GDA: variants seen among roughly 807,000 people sequenced by gnomAD.
The protein encoded by GDA is guanine deaminase, also known as cytoplasmic PSD-95 interactor.
GDA carries 18 observed loss-of-function variants against 59.6 expected under a neutral mutation model. That is an observed-to-expected ratio of 0.30 (90% CI 0.21 to 0.45). GDA has a LOEUF of 0.45. Among genes scored for constraint, GDA ranks in the 20% least tolerant of loss-of-function variants. GDA has a pLI of 1.00. For missense variants in GDA, 427 were observed against 552.3 expected (o/e 0.77, Z 2.27); for synonymous variants, 201 against 201.1 (o/e 1.00, Z 0.00).
intron 1 of GDA, among the ~76,000 whole-genome samples, chr9:72,115,494 G>A (rs1337044091): frequency 6.6e-6 from 1 of 152,162 alleles, no homozygotes; most frequent in East Asian, 1.9e-4. Flanking sequence ...AAAAACTTGG[G>A]CTAGGTGTGA....
At chr9:72,218,388 T>C (rs1295280849) in intron 5 of GDA, among the ~76,000 whole-genome samples, 1 of 152,238 alleles carries the variant, frequency 6.6e-6, no homozygotes, top group Non-Finnish European at 1.5e-5. Flanking sequence ...GCAGAGGGGC[T>C]GCTTACATGC....
chr9:72,117,552 T>C (rs779299492), intron 1 of GDA, among the ~76,000 whole-genome samples: 19 of 152,200 alleles, frequency 1.2e-4, no homozygotes, highest in Non-Finnish European at 2.2e-4. Context: ...GTAGTCATGG[T>C]TCTAGATATC....
chr9:72,250,327 C>T lies in GDA; in HGVS notation c.*1985C>T. 2 of 1,032,086 alleles carry T rather than the reference C, an allele frequency of 1.9e-6. No individual in the cohort carries two copies. Among genetic ancestry groups the T allele is most frequent in the Non-Finnish European group, 2.3e-6 (2 of 859,962 alleles). 63.9% of individuals were successfully genotyped at this position (1,032,086 alleles called of 1,614,324 possible). A position where few individuals can be genotyped will look rare whatever the true frequency, so the allele number is the denominator to read the frequency against. On this transcript the variant is annotated 3_prime_UTR_variant, in exon 14 of 14. Transcript: ENST00000358399. ...TAAGGGTGTACATTTTGATGTTGAA[C>T]ATCAGTTTTCATGTAGACTTAGGAC...
At chr9:72,178,563 A>G (rs1056535671) in intron 1 of GDA, among the ~76,000 whole-genome samples, 4 of 152,040 alleles carry the variant, frequency 2.6e-5, no homozygotes, top group African/African-American at 7.2e-5. Context: ...GATTACAGGC[A>G]TGTATCACCA....
At chr9:72,170,856 C>T (rs1342113145) in intron 1 of GDA, among the ~76,000 whole-genome samples, 2 of 152,118 alleles carry the variant, frequency 1.3e-5, no homozygotes, top group African/African-American at 2.4e-5. Context: ...CGCTCTGTCA[C>T]CTTGGCTGTA....
chr9:72,149,615 A>G lies in GDA; in HGVS notation c.56A>G (p.His19Arg), dbSNP rs1826892179. 1 of 1,611,332 alleles carries G rather than the reference A, an allele frequency of 6.2e-7. No homozygotes were observed. The highest frequency in any genetic ancestry group is 1.7e-5 in the Admixed American group (1 of 59,882). The change falls in exon 1 of 14, where the codon CAC becomes CGC. Residue 19 changes from histidine to arginine, a missense_variant. Transcript: ENST00000358399. ...CACATCTTCCGAGGGACGTTCGTCCACTCCACCTGGACCTGCCCCATGGAG... is the reference window on the plus strand; with the variant it reads ...CACATCTTCCGAGGGACGTTCGTCCGCTCCACCTGGACCTGCCCCATGGAG... ...LAHIFRGTFV[H>R]STWTCPMEVL... is the part of the protein sequence containing the mutation.
At chr9:72,194,763 C>T (rs920323515) in intron 1 of GDA, among the ~76,000 whole-genome samples, 2 of 152,184 alleles carry the variant, frequency 1.3e-5, no homozygotes, top group African/African-American at 4.8e-5. Context: ...GGCACTTTAG[C>T]CCACTGTAGT....
chr9:72,217,567 A>C lies in GDA; in HGVS notation c.579-1912A>C, dbSNP rs113575124. ...ATGTCAATATTATTTTTGTGTAACAAATTATATTTAAAGCCTGCAGGAACT... is the reference window on the plus strand; with the variant it reads ...ATGTCAATATTATTTTTGTGTAACACATTATATTTAAAGCCTGCAGGAACT... On this transcript the variant is annotated intron_variant, in intron 5 of 13. Coordinates refer to ENST00000358399, the MANE Select transcript of GDA (RefSeq NM_004293.5). 5.4e-3 allele frequency among the ~76,000 whole-genome samples: 828 copies of C among 152,306 alleles called. 4 individuals are homozygous for C. Among genetic ancestry groups the C allele is most frequent in the Non-Finnish European group, 8.6e-3 (586 of 68,024 alleles).
intron 1 of GDA, among the ~76,000 whole-genome samples, chr9:72,191,636 A>G (rs1832561349): frequency 6.6e-6 from 1 of 152,028 alleles, no homozygotes; most frequent in Non-Finnish European, 1.5e-5. Context: ...CCCAGGCTGG[A>G]GTGCAATGGC....
chr9:72,151,080 C>T (rs1444686560), intron 1 of GDA, among the ~76,000 whole-genome samples: 1 of 152,180 alleles, frequency 6.6e-6, no homozygotes, highest in East Asian at 1.9e-4. Context: ...GGTAGGGTAA[C>T]AGGCAACTGG....
chr9:72,190,674 A>C (rs960381260), intron 1 of GDA, among the ~76,000 whole-genome samples: 1 of 152,164 alleles, frequency 6.6e-6, no homozygotes, highest in Non-Finnish European at 1.5e-5. Flanking sequence ...TTCTTGAATT[A>C]CTAATTCTAT....
At chr9:72,234,877 T>G (rs1838782193) in intron 10 of GDA, among the ~76,000 whole-genome samples, 1 of 151,916 alleles carries the variant, frequency 6.6e-6, no homozygotes, top group Non-Finnish European at 1.5e-5. Flanking sequence ...AAGAAAAGAG[T>G]TTGGAGACAA....
rs572616037 is a variant in GDA, at chr9:72,116,793, T to C, written c.-100+1960T>C. On this transcript the variant is annotated intron_variant, in intron 1 of 13. Transcript: ENST00000545168. ...TTTATTTATTTATTTATTTTTATTATACTTTAAGTTCTAGGGTACATGTGC... is the reference window on the plus strand; with the variant it reads ...TTTATTTATTTATTTATTTTTATTACACTTTAAGTTCTAGGGTACATGTGC... Among the ~76,000 whole-genome samples, 4 of 152,276 alleles carry C rather than the reference T, an allele frequency of 2.6e-5. No individual in the cohort carries two copies. The South Asian group carries it at 8.3e-4, about 32-fold the overall frequency.
chr9:72,153,657 A>T, intron 1 of GDA, among the ~76,000 whole-genome samples: 1 of 151,740 alleles, frequency 6.6e-6, no homozygotes, highest in Non-Finnish European at 1.5e-5. Flanking sequence ...GCCATAAAAA[A>T]TGATGAGTTC....
At chr9:72,209,391 C>T (rs563694935) in intron 3 of GDA, among the ~76,000 whole-genome samples, 3 of 152,118 alleles carry the variant, frequency 2.0e-5, no homozygotes, top group Non-Finnish European at 4.4e-5. Context: ...ATTTATCCTA[C>T]AACCCTCCTA....
intron 10 of GDA, among the ~76,000 whole-genome samples, chr9:72,234,709 C>T (rs1010039519): frequency 1.3e-5 from 2 of 152,104 alleles, no homozygotes; most frequent in South Asian, 2.1e-4. Flanking sequence ...CCCTGTTTTA[C>T]GCTAAATCGT....
At chr9:72,158,354 G>T (rs1828186175) in intron 1 of GDA, among the ~76,000 whole-genome samples, 1 of 152,136 alleles carries the variant, frequency 6.6e-6, no homozygotes, top group Non-Finnish European at 1.5e-5. Context: ...AGCACTTTGG[G>T]AGGCCGAGGT....
chr9:72,149,763 C>T lies in GDA; in HGVS notation c.123+81C>T, dbSNP rs528771318. Reference sequence around the variant, plus strand: ...ACCTGGCGCGGTGCTTCGCGTAGCCCGGGGTTCGCTCGGTGCGCAGTGAGC... The same window carrying T: ...ACCTGGCGCGGTGCTTCGCGTAGCCTGGGGTTCGCTCGGTGCGCAGTGAGC... On this transcript the variant is annotated intron_variant, in intron 1 of 13. Coordinates refer to ENST00000358399, the MANE Select transcript of GDA (RefSeq NM_004293.5). 659 of 1,418,468 alleles carry T rather than the reference C, an allele frequency of 4.6e-4. 3 individuals are homozygous for T. The African/African-American group carries it at 7.9e-3, about 17-fold the overall frequency. 87.9% of individuals were successfully genotyped at this position (1,418,468 alleles called of 1,614,324 possible).
chr9:72,176,464 G>A (rs748541054), intron 1 of GDA, among the ~76,000 whole-genome samples: 1 of 152,156 alleles, frequency 6.6e-6, no homozygotes, highest in Non-Finnish European at 1.5e-5. Flanking sequence ...GATTTTGTGG[G>A]CGTATTTTAG....
Sources: allele counts gnomAD v4.1 joint callset (sites outside exome capture counted in the v4.1 genomes callset), GRCh38; gene constraint gnomAD v4.1.1; transcripts MANE v1.5; gene names NCBI Gene and HGNC (gene_info 2026-07-23, HGNC 2026-07-21).